PTPRD: variants seen among roughly 807,000 people sequenced by gnomAD.
PTPRD encodes protein tyrosine phosphatase receptor type D.
PTPRD carries 34 observed loss-of-function variants against 214.5 expected under a neutral mutation model. The observed-to-expected ratio is 0.16, with a 90% confidence interval of 0.12 to 0.21. The LOEUF (loss-of-function observed/expected upper bound fraction) is 0.21. PTPRD is among the 10% of genes least tolerant of loss of function. The pLI, the probability that PTPRD is intolerant of heterozygous loss-of-function variation, is 1.00. For missense variants in PTPRD, 2,545 were observed against 2,398.7 expected, an observed-to-expected ratio of 1.06 and a Z score of -1.27; for synonymous variants, 1,128 against 845.7, an observed-to-expected ratio of 1.33 and a Z score of -5.79.
intron 11 of PTPRD, among the ~76,000 whole-genome samples, chr9:8,805,045 T>C (rs552898605): frequency 2.0e-5 from 3 of 152,306 alleles, no homozygotes; most frequent in Non-Finnish European, 4.4e-5. Context: ...GAAATTCCCA[T>C]GGAACTTCAT....
At chr9:9,951,149 T>G (rs1238053830) in intron 4 of PTPRD, among the ~76,000 whole-genome samples, 2 of 152,142 alleles carry the variant, frequency 1.3e-5, no homozygotes, top group Non-Finnish European at 2.9e-5. Context: ...TATGTAGCCC[T>G]TTAATGTTTC....
intron 11 of PTPRD, among the ~76,000 whole-genome samples, chr9:8,879,183 A>T (rs2098421047): frequency 6.6e-6 from 1 of 152,182 alleles, no homozygotes; most frequent in Non-Finnish European, 1.5e-5. Flanking sequence ...GCCCAGCATG[A>T]GCTCAGGAAA....
intron 2 of PTPRD, among the ~76,000 whole-genome samples, chr9:10,480,444 TC>T (rs994063949): frequency 3.3e-4 from 50 of 152,164 alleles, no homozygotes; most frequent in African/African-American, 1.2e-3. Context: ...AGAAGGTGAG[TC>T]AATGCAATGT....
intron 5 of PTPRD, among the ~76,000 whole-genome samples, chr9:9,888,847 C>A (rs892224060): frequency 6.6e-6 from 1 of 152,062 alleles, no homozygotes; most frequent in Non-Finnish European, 1.5e-5. Flanking sequence ...TGACCCAACA[C>A]CCTGATTTCA....
At chr9:8,430,804 A>G (rs746314136) in intron 35 of PTPRD, among the ~76,000 whole-genome samples, 1 of 152,098 alleles carries the variant, frequency 6.6e-6, no homozygotes, top group Non-Finnish European at 1.5e-5. Flanking sequence ...TAGTTCCACT[A>G]AGAGTGCCAT....
chr9:8,832,104 ATGTGTGTGTGTGTG>A (rs34699954), intron 11 of PTPRD, among the ~76,000 whole-genome samples: 1 of 148,756 alleles, frequency 6.7e-6, no homozygotes, highest in African/African-American at 2.5e-5. Context: ...GTATGTGTAT[ATGTGTGTGTGTGTG>A]TGTGTGTGTG....
chr9:10,429,679 A>G (rs1325534181), intron 2 of PTPRD, among the ~76,000 whole-genome samples: 1 of 151,606 alleles, frequency 6.6e-6, no homozygotes, highest in Non-Finnish European at 1.5e-5. Flanking sequence ...TATTCTATAT[A>G]TGTTCACATG....
intron 3 of PTPRD, among the ~76,000 whole-genome samples, chr9:10,088,046 T>C (rs186821630): frequency 6.6e-4 from 100 of 151,886 alleles, no homozygotes; most frequent in African/African-American, 2.4e-3. Context: ...CAGTACAACT[T>C]CAACTTCTTA....
At chr9:8,476,527 G>A (rs1466649660) in intron 30 of PTPRD, among the ~76,000 whole-genome samples, 1 of 152,052 alleles carries the variant, frequency 6.6e-6, no homozygotes, top group Non-Finnish European at 1.5e-5. Context: ...CTCCCACCTA[G>A]TTAACTATTC....
At chr9:10,303,845 C>T (rs755940278) in intron 3 of PTPRD, among the ~76,000 whole-genome samples, 16 of 152,086 alleles carry the variant, frequency 1.1e-4, no homozygotes, top group Non-Finnish European at 2.2e-4. Context: ...CAAAGAGGAG[C>T]TGGTACCTTT....
chr9:8,596,399 A>C (rs1277453153), intron 14 of PTPRD, among the ~76,000 whole-genome samples: 1 of 152,028 alleles, frequency 6.6e-6, no homozygotes, highest in East Asian at 1.9e-4. Context: ...AAAAATAAAA[A>C]AGATGCTTAA....
chr9:10,246,560 A>T (rs2092142429), intron 3 of PTPRD, among the ~76,000 whole-genome samples: 1 of 152,174 alleles, frequency 6.6e-6, no homozygotes, highest in African/African-American at 2.4e-5. Flanking sequence ...ATGTTTTAAA[A>T]TAGTTCTAAT....
chr9:9,030,691 T>C (rs1185657605), intron 10 of PTPRD, among the ~76,000 whole-genome samples: 1 of 151,946 alleles, frequency 6.6e-6, no homozygotes, highest in Non-Finnish European at 1.5e-5. Context: ...CCACCAGTTT[T>C]TATCCATTGT....
At chr9:10,267,170 G>A (rs1328946240) in intron 3 of PTPRD, among the ~76,000 whole-genome samples, 4 of 138,088 alleles carry the variant, frequency 2.9e-5, no homozygotes, top group Non-Finnish European at 3.0e-5. Flanking sequence ...CAGCCCGGGC[G>A]ACAGAGTGAG....
intron 11 of PTPRD, among the ~76,000 whole-genome samples, chr9:8,955,629 A>T (rs1452697847): frequency 1.3e-5 from 2 of 151,128 alleles, no homozygotes; most frequent in African/African-American, 4.9e-5. Flanking sequence ...TTTATTTTTT[A>T]TTTTTTTATT....
Position 9,980,561 on chromosome 9 carries a change from T to C in PTPRD, c.-471-41951A>G, listed in dbSNP as rs541264574. Among the ~76,000 whole-genome samples the C allele has an allele frequency of 1.2e-3, 153 of 125,484 alleles. 1 individual carries two copies. The highest frequency in any genetic ancestry group is 1.9e-3 in the Non-Finnish European group (120 of 63,674). The allele number at this position is 125,484 out of a possible 152,430, so 82.3% of individuals were successfully genotyped here. A position where few individuals can be genotyped will look rare whatever the true frequency, so the allele number is the denominator to read the frequency against. ...GGGGCAAAGGTTGCAGTGAGCAGAGTTCACGCCACTGCACTCCAGCTTGGG... is the reference window on the plus strand; with the variant it reads ...GGGGCAAAGGTTGCAGTGAGCAGAGCTCACGCCACTGCACTCCAGCTTGGG... On this transcript the variant is annotated intron_variant, in intron 4 of 45. Transcript: ENST00000381196.
At chr9:10,035,428 G>T (rs10958838) in intron 3 of PTPRD, among the ~76,000 whole-genome samples, 48,448 of 151,906 alleles carry the variant, frequency 0.32, 8,293 homozygotes, top group East Asian at 0.62. Context: ...CAGAAGCTCT[G>T]TAGTTTAATT....
In PTPRD at chr9:10,137,565, G is replaced by C. The variant is rs559521533; in HGVS notation, c.-544-103775C>G. Among the ~76,000 whole-genome samples, 39 of 85,980 alleles carry C rather than the reference G, an allele frequency of 4.5e-4. 4 individuals are homozygous for C. The South Asian group carries it at 0.021, about 46-fold the overall frequency. 56.4% of individuals were successfully genotyped at this position (85,980 alleles called of 152,430 possible). A position where few individuals can be genotyped will look rare whatever the true frequency, so the allele number is the denominator to read the frequency against. On this transcript the variant is annotated intron_variant, in intron 3 of 45. Transcript: ENST00000381196. ...GGGGACTGTGGTGGCGTCGGGGGAG[G>C]GGGGAGGGATAGCACTGGGAGATAT...
chr9:8,615,682 T>C (rs1177630591), intron 14 of PTPRD, among the ~76,000 whole-genome samples: 1 of 152,078 alleles, frequency 6.6e-6, no homozygotes, highest in African/African-American at 2.4e-5. Flanking sequence ...GCTTTTCCTG[T>C]CTTTATTTAA....
Sources: allele counts gnomAD v4.1 joint callset (sites outside exome capture counted in the v4.1 genomes callset), GRCh38; gene constraint gnomAD v4.1.1; transcripts MANE v1.5; gene names NCBI Gene and HGNC (gene_info 2026-07-23, HGNC 2026-07-21).